Variants in SUMF1 observed in about 807,000 individuals in gnomAD.
SUMF1 encodes the protein sulfatase modifying factor 1, also known as formylglycine-generating enzyme.
A neutral mutation model predicts 47.6 loss-of-function variants in SUMF1; 48 were observed. The observed-to-expected ratio is 1.01, with a 90% CI of 0.80 to 1.28. The LOEUF (loss-of-function observed/expected upper bound fraction) is 1.28. Among genes scored for constraint, SUMF1 ranks in the 50% most tolerant of loss-of-function variants. The probability of loss-of-function intolerance (pLI) is 0.00; values close to 1 mark genes in which losing one functional copy is unlikely to be tolerated. For synonymous variants in SUMF1, 230 were observed against 192.1 expected, an observed-to-expected ratio of 1.20 and a Z score of -1.63; for missense variants, 571 against 485.4, an observed-to-expected ratio of 1.18 and a Z score of -1.66.
At chr3:4,386,750 T>C (rs1394178539) in intron 7 of SUMF1, among the ~76,000 whole-genome samples, 2 of 152,082 alleles carry the variant, frequency 1.3e-5, no homozygotes, top group African/African-American at 4.8e-5. Flanking sequence ...TCTTTGTAGA[T>C]GCTCTTTACT....
intron 8 of SUMF1, among the ~76,000 whole-genome samples, chr3:4,197,323 CAGTATGGG>C (rs1695450518): frequency 6.6e-6 from 1 of 152,058 alleles, no homozygotes; most frequent in South Asian, 2.1e-4. Context: ...CCGTGTTGCC[CAGTATGGG>C]CTCAAGTGAT....
intron 9 of SUMF1, among the ~76,000 whole-genome samples, chr3:4,063,789 C>T (rs1695319372): frequency 6.6e-6 from 1 of 152,136 alleles, no homozygotes; most frequent in Non-Finnish European, 1.5e-5. Flanking sequence ...CTTTTGTGGA[C>T]AATGTCATCA....
chr3:4,111,069 C>CGT (rs146515270), intron 8 of SUMF1, among the ~76,000 whole-genome samples: 1 of 151,222 alleles, frequency 6.6e-6, no homozygotes, highest in Admixed American at 6.6e-5. Flanking sequence ...TCAAAGTCAG[C>CGT]ATTTTTTTTA....
In SUMF1 at chr3:4,283,491, C is replaced by G. The variant is rs181945030; in HGVS notation, c.1014+92839G>C. Among the ~76,000 whole-genome samples, 6 of 132,432 alleles carry G rather than the reference C, an allele frequency of 4.5e-5. No individual in the cohort carries two copies. In the South Asian group the frequency reaches 6.8e-4, roughly 15 times the overall value. 86.9% of individuals were successfully genotyped at this position (132,432 alleles called of 152,430 possible). Reference sequence around the variant, plus strand: ...TGGTTAAAGCTTTGACTCCAGGAACCCTTTGTTAAAATTCAAATAAGAGCA... The same window carrying G: ...TGGTTAAAGCTTTGACTCCAGGAACGCTTTGTTAAAATTCAAATAAGAGCA... On this transcript the variant is annotated intron_variant and NMD_transcript_variant, in intron 8 of 12. Coordinates refer to the SUMF1 transcript ENST00000448413.
chr3:4,440,302 G>C (rs1186640963), intron 3 of SUMF1, among the ~76,000 whole-genome samples: 1 of 150,672 alleles, frequency 6.6e-6, no homozygotes, highest in South Asian at 2.1e-4. Context: ...TGTGTTTTGA[G>C]TTATTTTAAT....
intron 8 of SUMF1, among the ~76,000 whole-genome samples, chr3:4,369,829 C>T (rs947343303): frequency 1.3e-5 from 2 of 152,072 alleles, no homozygotes; most frequent in African/African-American, 4.8e-5. Flanking sequence ...CTTTGAGTAA[C>T]ACTAGTTTAT....
At chr3:4,194,743 T>C (rs991689903) in intron 8 of SUMF1, among the ~76,000 whole-genome samples, 2 of 152,164 alleles carry the variant, frequency 1.3e-5, no homozygotes, top group Admixed American at 6.5e-5. Context: ...TTCTATGCTA[T>C]AAAATATACT....
intron 8 of SUMF1, among the ~76,000 whole-genome samples, chr3:4,126,135 T>C (rs1168260732): frequency 6.6e-6 from 1 of 151,836 alleles, no homozygotes; most frequent in Non-Finnish European, 1.5e-5. Context: ...TTTTCTGTTT[T>C]GTGTCTCTTG....
At chr3:4,307,005 GC>G (rs1698214763) in intron 8 of SUMF1, among the ~76,000 whole-genome samples, 2 of 152,150 alleles carry the variant, frequency 1.3e-5, no homozygotes, top group African/African-American at 4.8e-5. Flanking sequence ...ATCTCAACAG[GC>G]CTTGACAAGA....
At chr3:4,451,009 T>C (rs1160680388) in intron 2 of SUMF1, among the ~76,000 whole-genome samples, 2 of 152,082 alleles carry the variant, frequency 1.3e-5, no homozygotes, top group Admixed American at 6.6e-5. Flanking sequence ...TTGGTCCTTT[T>C]TGAGCTCCTT....
chr3:4,293,209 CTGGAAG>C (rs1559659343), intron 8 of SUMF1, among the ~76,000 whole-genome samples: 3 of 152,144 alleles, frequency 2.0e-5, no homozygotes, highest in African/African-American at 4.8e-5. Flanking sequence ...TAATATGTAA[CTGGAAG>C]TGGAAGAGTT....
chr3:4,203,499 T>C (rs1695584108), intron 8 of SUMF1, among the ~76,000 whole-genome samples: 2 of 152,034 alleles, frequency 1.3e-5, no homozygotes, highest in African/African-American at 4.8e-5. Flanking sequence ...GTGTTTTTCT[T>C]GTAGGCAACA....
chr3:4,354,560 C>A lies in SUMF1; in HGVS notation c.1014+21770G>T, dbSNP rs141619683. Among the ~76,000 whole-genome samples, 216 of 152,304 alleles carry A rather than the reference C, an allele frequency of 1.4e-3. 2 individuals carry two copies. The South Asian group carries it at 0.018, about 13-fold the overall frequency. ...TGAGAACTTCGTGGGACAGACCGACCGCGCAGGATCAGGTATTTCCAAATT... is the reference window on the plus strand; with the variant it reads ...TGAGAACTTCGTGGGACAGACCGACAGCGCAGGATCAGGTATTTCCAAATT... On this transcript the variant is annotated intron_variant and NMD_transcript_variant, in intron 8 of 12. Coordinates refer to the SUMF1 transcript ENST00000448413.
chr3:4,411,458 T>G (rs1701539414), intron 6 of SUMF1, among the ~76,000 whole-genome samples: 1 of 152,160 alleles, frequency 6.6e-6, no homozygotes, highest in Non-Finnish European at 1.5e-5. Flanking sequence ...TTCTGCCAAC[T>G]CATCATCTTA....
At chr3:4,136,054 G>C in intron 8 of SUMF1, among the ~76,000 whole-genome samples, 1 of 152,090 alleles carries the variant, frequency 6.6e-6, no homozygotes, top group Non-Finnish European at 1.5e-5. Flanking sequence ...TACTGCCCAA[G>C]GTAATTTATA....
chr3:4,431,618 G>A (rs1702235186), intron 3 of SUMF1, among the ~76,000 whole-genome samples: 1 of 152,132 alleles, frequency 6.6e-6, no homozygotes, highest in African/African-American at 2.4e-5. Flanking sequence ...ACAAGAGCTT[G>A]GGACCCACTG....
At chr3:4,240,339 G>C (rs778802543) in intron 8 of SUMF1, among the ~76,000 whole-genome samples, 68 of 152,044 alleles carry the variant, frequency 4.5e-4, no homozygotes, top group Non-Finnish European at 5.0e-4. Flanking sequence ...GTTTCAGAAG[G>C]AAACTCCTCT....
At chr3:4,082,038 G>C (rs962947271) in intron 8 of SUMF1, among the ~76,000 whole-genome samples, 2 of 152,086 alleles carry the variant, frequency 1.3e-5, no homozygotes, top group Non-Finnish European at 2.9e-5. Context: ...TTTCAAACAA[G>C]TAGTTTGGAA....
chr3:4,275,947 A>AT (rs1331192792), intron 8 of SUMF1, among the ~76,000 whole-genome samples: 1 of 152,142 alleles, frequency 6.6e-6, no homozygotes, highest in Non-Finnish European at 1.5e-5. Context: ...ATTAAAAAAT[A>AT]TTTTTTTAAC....
Sources: gnomAD v4.1 joint callset for allele counts (sites outside exome capture counted in the v4.1 genomes callset) on GRCh38, gnomAD v4.1.1 for gene constraint, MANE v1.5 for transcripts, NCBI Gene and HGNC (gene_info 2026-07-23, HGNC 2026-07-21) for gene names.